The following ANKRD36 variants were observed in gnomAD, a reference collection of about 807,000 sequenced individuals.
ANKRD36 encodes ankyrin repeat domain 36.
In ANKRD36, 179 loss-of-function variants were observed where a neutral mutation model predicts 278.1. The observed-to-expected ratio is 0.64, with a 90% CI of 0.57 to 0.73. The LOEUF is 0.73. Ranked by LOEUF, ANKRD36 falls within the 30% of genes least tolerant of loss-of-function variation. The probability of loss-of-function intolerance (pLI) is 0.00; values close to 1 mark genes in which losing one functional copy is unlikely to be tolerated. For missense variants in ANKRD36, 1,159 were observed against 1,956.7 expected (o/e 0.59, Z 7.69); for synonymous variants, 320 against 641.1 (o/e 0.50, Z 7.57).
chr2:97,196,698 G>A lies in ANKRD36; in HGVS notation c.2581-18G>A, dbSNP rs546711001. 412 of 1,574,028 alleles carry A rather than the reference G, an allele frequency of 2.6e-4. 3 individuals carry two copies. Among genetic ancestry groups the A allele is most frequent in the African/African-American group, 2.4e-3 (178 of 73,500 alleles). On this transcript the variant is annotated intron_variant, in intron 41 of 75. Transcript: ENST00000420699. The stretch of plus-strand genomic sequence containing the variant: ...ACATACTTTATTTATTTATTATTTC[G>A]TTTCAAATTCCATTCAGGGTACAAG...
intron 58 of ANKRD36, chr2:97,212,844 G>C (rs1363431234): frequency 4.7e-6 from 1 of 211,620 alleles, no homozygotes; most frequent in Non-Finnish European, 9.2e-6. Context: ...ACAGGGGTGT[G>C]AGAAATAATG....
At chr2:97,195,583 A>G (rs1221034370) in intron 40 of ANKRD36, among the ~76,000 whole-genome samples, 3 of 152,020 alleles carry the variant, frequency 2.0e-5, no homozygotes, top group African/African-American at 7.2e-5. Flanking sequence ...CTTTGTTACT[A>G]TTAGGCATCA....
chr2:97,118,623 G>A (rs2036166405), intron 3 of ANKRD36, 106 bp downstream of exon 3: 5 of 922,506 alleles, frequency 5.4e-6, no homozygotes, highest in African/African-American at 1.9e-5. Flanking sequence ...AACATTCCTT[G>A]AATGAAAATA....
intron 75 of ANKRD36, among the ~76,000 whole-genome samples, chr2:97,250,428 TA>T (rs1559043133): frequency 7.1e-6 from 1 of 140,828 alleles, no homozygotes; most frequent in Admixed American, 7.8e-5. Flanking sequence ...TTTCTGGCCC[TA>T]CACTTTTCTT....
At chr2:97,178,683 TG>T (rs1465699299) in intron 22 of ANKRD36, among the ~76,000 whole-genome samples, 3 of 76,538 alleles carry the variant, frequency 3.9e-5, no homozygotes, top group Non-Finnish European at 7.6e-5. Flanking sequence ...TTTTGTGGGG[TG>T]GGGGGAGGGG....
chr2:97,206,297 G>T (rs574604611), intron 52 of ANKRD36, among the ~76,000 whole-genome samples, 162 bp downstream of exon 52: 1 of 151,472 alleles, frequency 6.6e-6, no homozygotes, highest in Admixed American at 6.6e-5. Flanking sequence ...TGATGCTGCT[G>T]GTCTGGAACA....
chr2:97,148,842 G>C, intron 11 of ANKRD36, among the ~76,000 whole-genome samples: 1 of 152,418 alleles, frequency 6.6e-6, no homozygotes, highest in Admixed American at 6.5e-5. Context: ...ATTAGTCTTT[G>C]AATCAGAAAT....
intron 1 of ANKRD36, among the ~76,000 whole-genome samples, chr2:97,114,883 CTG>C (rs1415388547): frequency 6.6e-6 from 1 of 151,902 alleles, no homozygotes; most frequent in Non-Finnish European, 1.5e-5. Flanking sequence ...ATTACTCATG[CTG>C]TCTTTTACTA....
chr2:97,230,461 G>A (rs1187314246), intron 67 of ANKRD36, among the ~76,000 whole-genome samples: 7 of 152,072 alleles, frequency 4.6e-5, no homozygotes, highest in African/African-American at 7.2e-5. Context: ...TCTTCACGTA[G>A]TTCTCGAGCC....
At chr2:97,120,929 C>G (rs1049384616) in intron 3 of ANKRD36, among the ~76,000 whole-genome samples, 5 of 152,038 alleles carry the variant, frequency 3.3e-5, no homozygotes, top group Middle Eastern at 3.4e-3. Context: ...TTGAGCCTAT[C>G]TCAGGTTTTG....
chr2:97,192,929 G>C, intron 37 of ANKRD36, 43 bp downstream of exon 37: 1 of 1,599,118 alleles, frequency 6.3e-7, no homozygotes. Flanking sequence ...TTAAGGTATG[G>C]TCTATGAAAC....
At chr2:97,197,672 A>T (rs1485547538) in intron 42 of ANKRD36, among the ~76,000 whole-genome samples, 1 of 151,928 alleles carries the variant, frequency 6.6e-6, no homozygotes, top group African/African-American at 2.4e-5. Context: ...GTCATTTTCA[A>T]TGAGTATTGC....
intron 66 of ANKRD36, among the ~76,000 whole-genome samples, chr2:97,220,761 CT>C (rs60699692): frequency 4.9e-3 from 347 of 70,522 alleles, no homozygotes; most frequent in African/African-American, 8.8e-3. Flanking sequence ...TTTTAATTTT[CT>C]TTTTTTTTTT....
At chr2:97,226,401 T>C (rs543686825) in intron 67 of ANKRD36, among the ~76,000 whole-genome samples, 235 of 151,464 alleles carry the variant, frequency 1.6e-3, no homozygotes, top group Non-Finnish European at 1.2e-3. Flanking sequence ...TTTCATGTGT[T>C]TTTTGGCTGC....
chr2:97,127,030 GTATTAAAA>G, intron 5 of ANKRD36, 29 bp from the exon 6 acceptor site: 1 of 780,840 alleles, frequency 1.3e-6, no homozygotes, highest in Non-Finnish European at 2.0e-6. Flanking sequence ...TTTGATAATA[GTATTAAAA>G]TATTAATTTC....
At chr2:97,135,378 C>A (rs1402056971) in intron 6 of ANKRD36, among the ~76,000 whole-genome samples, 5 of 151,652 alleles carry the variant, frequency 3.3e-5, no homozygotes, top group Non-Finnish European at 7.4e-5. Context: ...AAATTAGGCA[C>A]AATAAGAGAT....
At chr2:97,189,711 C>T (rs538513734) in intron 34 of ANKRD36, among the ~76,000 whole-genome samples, 3 of 80,484 alleles carry the variant, frequency 3.7e-5, no homozygotes, top group South Asian at 5.8e-4. Flanking sequence ...CACTGTAGAA[C>T]GAGAACTAAG....
At chr2:97,219,461 T>C (rs2066814693) in intron 66 of ANKRD36, among the ~76,000 whole-genome samples, 1 of 152,056 alleles carries the variant, frequency 6.6e-6, no homozygotes, top group Non-Finnish European at 1.5e-5. Context: ...TTTTTTTGTT[T>C]TGTTTTGTTT....
intron 1 of ANKRD36, among the ~76,000 whole-genome samples, chr2:97,114,161 G>C (rs1251507129): frequency 9.7e-6 from 1 of 102,594 alleles, no homozygotes; most frequent in East Asian, 2.9e-4. Context: ...TGGGGAGTAG[G>C]GGGTGCATGG....
Sources: allele counts gnomAD v4.1 joint callset (sites outside exome capture counted in the v4.1 genomes callset), GRCh38; gene constraint gnomAD v4.1.1; transcripts MANE v1.5; gene names NCBI Gene and HGNC (gene_info 2026-07-23, HGNC 2026-07-21).